The following CYP46A1 variants were observed in gnomAD, a reference collection of about 807,000 sequenced individuals.
CYP46A1 encodes cytochrome P450 family 46 subfamily A member 1, also known as cholesterol 24-hydroxylase.
In CYP46A1, 20 loss-of-function variants were observed where a neutral mutation model predicts 63.3. That is an observed-to-expected ratio of 0.32 (90% CI 0.22 to 0.46). The LOEUF is 0.46. CYP46A1 is among the 20% of genes least tolerant of loss of function. CYP46A1 has a pLI of 1.00. For synonymous variants in CYP46A1, 268 were observed against 273.6 expected, an observed-to-expected ratio of 0.98 and a Z score of 0.20; for missense variants, 445 against 670.8, an observed-to-expected ratio of 0.66 and a Z score of 3.72.
At chr14:99,719,964 G>A (rs780418887) in intron 10 of CYP46A1, among the ~76,000 whole-genome samples, 7 of 151,496 alleles carry the variant, frequency 4.6e-5, no homozygotes, top group African/African-American at 1.2e-4. Flanking sequence ...GGGGCTTCAC[G>A]GGTTAGCCAG....
chr14:99,691,186 GC>G lies in CYP46A1; in HGVS notation c.200+28del, dbSNP rs781586878. 5 of 1,613,026 alleles carry G rather than the reference GC, an allele frequency of 3.1e-6. No homozygotes were observed. In the Admixed American group the frequency reaches 8.3e-5, roughly 27 times the overall value. ...GGTGGGTTCTCATTTGTCACTTGTT[GC>G]CCTTACTCCAGGTTCCCTTGGGGCA... On this transcript the variant is annotated intron_variant, in intron 2 of 14. Transcript: ENST00000261835.
intron 7 of CYP46A1, 152 bp from the exon 8 acceptor site, chr14:99,715,658 C>A: frequency 1.0e-6 from 1 of 979,510 alleles, no homozygotes; most frequent in Non-Finnish European, 1.5e-6. Flanking sequence ...TTGATCCAGT[C>A]TCCCTGGCTG....
At chr14:99,685,721 G>C (rs571555905) in intron 1 of CYP46A1, among the ~76,000 whole-genome samples, 5 of 152,096 alleles carry the variant, frequency 3.3e-5, no homozygotes, top group African/African-American at 1.2e-4. Flanking sequence ...GGCGTTAGAA[G>C]CCTGAATCTC....
intron 5 of CYP46A1, among the ~76,000 whole-genome samples, chr14:99,705,490 G>A (rs1278653439): frequency 6.6e-6 from 1 of 152,158 alleles, no homozygotes; most frequent in Non-Finnish European, 1.5e-5. Flanking sequence ...GGGGTTATAG[G>A]CATGAGCCCC....
chr14:99,716,400 A>G (rs571551180), intron 9 of CYP46A1, among the ~76,000 whole-genome samples: 6 of 152,256 alleles, frequency 3.9e-5, no homozygotes, highest in South Asian at 2.1e-4. Context: ...GCAGCTGGCA[A>G]TTGTGGGGAT....
chr14:99,722,107 C>T lies in CYP46A1; in HGVS notation c.1176+41C>T. 1 of 1,508,206 alleles carries T rather than the reference C, an allele frequency of 6.6e-7. No individual in the cohort carries two copies. The allele number at this position is 1,508,206 out of a possible 1,614,324, so 93.4% of individuals were successfully genotyped here. A position where few individuals can be genotyped will look rare whatever the true frequency, so the allele number is the denominator to read the frequency against. On this transcript the variant is annotated intron_variant, in intron 12 of 14. Transcript: ENST00000261835. This position sits in a 1 kb window ranked among gnomAD's most constrained non-coding sequence, Gnocchi z 4.6. The stretch of plus-strand genomic sequence containing the variant: ...GGGGGTCCTGGGGTGGGCTGGGCTG[C>T]TTGCCCCAATGGTGGTGAATTTGGG...
At chr14:99,692,032 T>C (rs1292432318) in intron 3 of CYP46A1, among the ~76,000 whole-genome samples, 171 bp downstream of exon 3, 1 of 152,142 alleles carries the variant, frequency 6.6e-6, no homozygotes, top group Non-Finnish European at 1.5e-5. Context: ...ACCCACTCCT[T>C]GGGGACTCTT....
intron 3 of CYP46A1, chr14:99,695,338 T>C (rs2056578191): frequency 1.5e-5 from 5 of 323,340 alleles, no homozygotes; most frequent in African/African-American, 1.1e-4. Flanking sequence ...ATCTTTTAAA[T>C]CCTTTCTAAT....
Position 99,722,045 on chromosome 14 carries a change from C to G in CYP46A1, c.1155C>G (p.Val385=), listed in dbSNP as rs755645477. 6.2e-6 allele frequency: 10 copies of G among 1,612,506 alleles called. No individual in the cohort carries two copies. In the South Asian group the frequency reaches 1.1e-4, roughly 18 times the overall value. ...AGACCTTGATTGATGGGGTCAGAGT[C>G]CCCGGCAACACCCCGCTCTTGGTGG... is the stretch of plus-strand genomic sequence containing the variant. The part of the protein sequence containing the change: ...EEETLIDGVR[V]PGNTPLLFST... The change falls in exon 12 of 15, where the codon GTC becomes GTG. Residue 385 remains valine, a synonymous_variant. Coordinates refer to ENST00000261835, the MANE Select transcript of CYP46A1 (RefSeq NM_006668.2). This position sits in a 1 kb window ranked among gnomAD's most constrained non-coding sequence, Gnocchi z 4.6.
intron 5 of CYP46A1, among the ~76,000 whole-genome samples, chr14:99,704,455 A>G (rs1465148998): frequency 6.6e-6 from 1 of 152,340 alleles, no homozygotes; most frequent in Admixed American, 6.5e-5. Flanking sequence ...CATTACCCAC[A>G]CAGAATATAA....
intron 14 of CYP46A1, 146 bp downstream of exon 14, chr14:99,726,402 C>A: frequency 1.7e-6 from 2 of 1,159,626 alleles, no homozygotes; most frequent in Non-Finnish European, 1.2e-6. Flanking sequence ...AGAGGACTGG[C>A]TGTGTTTTGC....
At chr14:99,687,444 G>C (rs2056504108) in intron 1 of CYP46A1, among the ~76,000 whole-genome samples, 1 of 152,230 alleles carries the variant, frequency 6.6e-6, no homozygotes, top group African/African-American at 2.4e-5. Flanking sequence ...GGCCAGCCAT[G>C]GGGGAGCCCC....
At chr14:99,721,813 CA>C in intron 11 of CYP46A1, 142 bp from the exon 12 acceptor site, 1 of 594,968 alleles carries the variant, frequency 1.7e-6, no homozygotes, top group East Asian at 2.8e-5. Context: ...GCTGATGTCC[CA>C]GGGGCCTGGG....
At chr14:99,700,138 C>T in intron 5 of CYP46A1, 37 bp downstream of exon 5, 2 of 1,537,024 alleles carry the variant, frequency 1.3e-6, no homozygotes, top group Non-Finnish European at 1.8e-6. Flanking sequence ...TCCTGCCTGG[C>T]CAGAGGCAGT....
At chr14:99,696,229 G>A (rs1269636317) in intron 3 of CYP46A1, among the ~76,000 whole-genome samples, 1 of 151,882 alleles carries the variant, frequency 6.6e-6, no homozygotes, top group Non-Finnish European at 1.5e-5. Context: ...TTTGGATTAA[G>A]TATGTTTTAG....
intron 1 of CYP46A1, among the ~76,000 whole-genome samples, chr14:99,688,991 G>T (rs1011965594): frequency 6.6e-6 from 1 of 152,154 alleles, no homozygotes; most frequent in African/African-American, 2.4e-5. Context: ...CACTTGGCTG[G>T]CTGTCCCTAT....
At chr14:99,710,946 C>G (rs534516778) in intron 7 of CYP46A1, 2 of 152,158 alleles carry the variant, frequency 1.3e-5, no homozygotes, top group African/African-American at 4.8e-5. Flanking sequence ...AAATTGAAAT[C>G]ATATCAAGTA....
intron 4 of CYP46A1, 102 bp from the exon 5 acceptor site, chr14:99,699,913 T>G: frequency 1.2e-6 from 1 of 840,638 alleles, no homozygotes; most frequent in South Asian, 1.6e-5. Context: ...ACCGCCTAGC[T>G]CCAATACCGT....
intron 1 of CYP46A1, 140 bp downstream of exon 1, chr14:99,684,676 C>G: frequency 1.4e-6 from 1 of 712,352 alleles, no homozygotes; most frequent in Non-Finnish European, 2.5e-6. Flanking sequence ...CCGAGAGGGG[C>G]GCTAACTATT....
Sources: gnomAD v4.1 joint callset for allele counts (sites outside exome capture counted in the v4.1 genomes callset) on GRCh38, gnomAD v4.1.1 for gene constraint, Gnocchi (gnomAD v3.1) non-coding constraint, MANE v1.5 for transcripts, NCBI Gene and HGNC (gene_info 2026-07-23, HGNC 2026-07-21) for gene names.